The following DGKA variants were observed in gnomAD, a reference collection of about 807,000 sequenced individuals.
DGKA encodes diacylglycerol kinase alpha.
A neutral mutation model predicts 105.0 loss-of-function variants in DGKA; 35 were observed. The ratio of observed to expected loss-of-function variants is 0.33; its 90% CI spans 0.25 to 0.44. The LOEUF (loss-of-function observed/expected upper bound fraction) is 0.44, where lower values mean the gene tolerates loss of function less well. Among genes scored for constraint, DGKA ranks in the 20% least tolerant of loss-of-function variants. The probability of loss-of-function intolerance (pLI) is 1.00; values close to 1 mark genes in which losing one functional copy is unlikely to be tolerated. For synonymous variants in DGKA, 296 were observed against 332.0 expected, an observed-to-expected ratio of 0.89 and a Z score of 1.18; for missense variants, 665 against 915.0, an observed-to-expected ratio of 0.73 and a Z score of 3.53.
chr12:55,952,703 C>T lies in DGKA; in HGVS notation c.1744-31C>T, dbSNP rs1333227847. The T allele has an allele frequency of 9.9e-6, 16 of 1,612,502 alleles. No individual in the cohort carries two copies. Among genetic ancestry groups the T allele is most frequent in the Non-Finnish European group, 1.4e-5 (16 of 1,179,014 alleles). ...GCCATGAGGTGAGGATCTGTACCCT[C>T]CCTAACTGGGACTGTGCCCCCTCCT... is the stretch of plus-strand genomic sequence containing the variant. On this transcript the variant is annotated intron_variant, in intron 20 of 23. Transcript: ENST00000331886. This position sits in a 1 kb window ranked among gnomAD's most constrained non-coding sequence, Gnocchi z 5.1.
At chr12:55,945,978 A>G (rs900675050) in intron 17 of DGKA, among the ~76,000 whole-genome samples, 1 of 151,974 alleles carries the variant, frequency 6.6e-6, no homozygotes, top group Non-Finnish European at 1.5e-5. Flanking sequence ...TAGTAGAGAC[A>G]GGTTTCACCG....
Position 55,952,002 on chromosome 12 carries a change from T to A in DGKA, c.1588-33T>A. On this transcript the variant is annotated intron_variant, in intron 18 of 23. Transcript: ENST00000331886. The surrounding 1 kb of genome is among the most constrained non-coding windows in gnomAD (Gnocchi z 5.1). Reference sequence around the variant, plus strand: ...GGAGACCGGGAGGGAGAGATTGAGCTCTGTACTGACCTTCATGTCCCGAAC... The same window carrying A: ...GGAGACCGGGAGGGAGAGATTGAGCACTGTACTGACCTTCATGTCCCGAAC... 1 of 1,612,454 alleles carries A rather than the reference T, an allele frequency of 6.2e-7. No homozygotes were observed. The highest frequency in any genetic ancestry group is 1.7e-5 in the Admixed American group (1 of 59,970).
Position 55,952,212 on chromosome 12 carries a change from A to G in DGKA, c.1652+113A>G. 4.6e-6 allele frequency: 7 copies of G among 1,516,392 alleles called. No homozygotes were observed. The highest frequency in any genetic ancestry group is 6.4e-6 in the Non-Finnish European group (7 of 1,093,096). 93.9% of individuals were successfully genotyped at this position (1,516,392 alleles called of 1,614,324 possible). A position where few individuals can be genotyped will look rare whatever the true frequency, so the allele number is the denominator to read the frequency against. On this transcript the variant is annotated intron_variant, in intron 19 of 23. Transcript: ENST00000331886. This position sits in a 1 kb window ranked among gnomAD's most constrained non-coding sequence, Gnocchi z 5.1. ...GTGGCACCTCTAGGAGGTCCCCCCA[A>G]CCAAAGCCACCCTTGTTCCCCATGG...
intron 17 of DGKA, chr12:55,942,545 G>C: frequency 2.5e-6 from 1 of 405,226 alleles, no homozygotes. Flanking sequence ...CAAGGAATAT[G>C]GGGGTGGGGA....
At chr12:55,949,276 C>A (rs1244584853) in intron 17 of DGKA, among the ~76,000 whole-genome samples, 1 of 152,022 alleles carries the variant, frequency 6.6e-6, no homozygotes, top group Non-Finnish European at 1.5e-5. Context: ...CAGCTCCCTG[C>A]AACCTCTGCC....
upstream of DGKA, chr12:55,928,280 C>T (rs78373687): frequency 6.5e-6 from 1 of 153,682 alleles, no homozygotes; most frequent in African/African-American, 2.4e-5. Flanking sequence ...TATATCCCCA[C>T]TTTGGCTTAG....
intron 17 of DGKA, among the ~76,000 whole-genome samples, chr12:55,948,618 CTCAGGAGGCTGAG>C (rs1887527820): frequency 6.6e-6 from 1 of 151,556 alleles, no homozygotes; most frequent in South Asian, 2.1e-4. Flanking sequence ...GTTCCAGATA[CTCAGGAGGCTGAG>C]GTAGGAGGAT....
At chr12:55,930,843 A>G (rs1883528419), upstream of DGKA, 1 of 152,134 alleles carries the variant, frequency 6.6e-6, no homozygotes, top group African/African-American at 2.4e-5. Context: ...AGTCTGTTCC[A>G]ACAAGCCTGT....
At position 55,940,019 on chromosome 12, in the gene DGKA, A is replaced by G; in HGVS notation, c.710-63A>G. ...ACATATCTGATCCTGCCTCACCCTCAGGTAAGAAGGAAATAGGGGGAGAGG... is the reference window on the plus strand; with the variant it reads ...ACATATCTGATCCTGCCTCACCCTCGGGTAAGAAGGAAATAGGGGGAGAGG... On this transcript the variant is annotated intron_variant, in intron 9 of 23. Transcript: ENST00000331886. The surrounding 1 kb of genome is among the most constrained non-coding windows in gnomAD (Gnocchi z 4.3). 1 of 1,416,412 alleles carries G rather than the reference A, an allele frequency of 7.1e-7. No individual in the cohort carries two copies. Among genetic ancestry groups the G allele is most frequent in the Non-Finnish European group, 1.0e-6 (1 of 1,001,792 alleles). The allele number at this position is 1,416,412 out of a possible 1,614,324, so 87.7% of individuals were successfully genotyped here. A position where few individuals can be genotyped will look rare whatever the true frequency, so the allele number is the denominator to read the frequency against.
intron 17 of DGKA, among the ~76,000 whole-genome samples, chr12:55,951,001 C>T (rs1239399641): frequency 6.6e-6 from 1 of 152,098 alleles, no homozygotes; most frequent in Non-Finnish European, 1.5e-5. Flanking sequence ...CCTGTAATCC[C>T]AGCACTTTGG....
chr12:55,937,588 A>C, intron 4 of DGKA, 45 bp downstream of exon 4: 1 of 1,597,184 alleles, frequency 6.3e-7, no homozygotes. Flanking sequence ...TGGCAGAAAA[A>C]TCAAACTAGT....
chr12:55,936,350 A>T (rs1884693773), intron 1 of DGKA, 73 bp from the exon 2 acceptor site: 1 of 1,421,446 alleles, frequency 7.0e-7, no homozygotes, highest in African/African-American at 1.4e-5. Flanking sequence ...GTAGAGACAG[A>T]ATGGAACAGA....
rs907852813 is a variant in DGKA at position 55,932,737 on chromosome 12, ACAC to A, written c.-82+1394_-82+1396del. On this transcript the variant is annotated intron_variant, in intron 1 of 23. Coordinates refer to ENST00000331886, the MANE Select transcript of DGKA (RefSeq NM_001345.5). This position sits in a 1 kb window ranked among gnomAD's most constrained non-coding sequence, Gnocchi z 4.3. ...CACACACACACACACACACACACACACACAACCCCCTCAGCCAGGTGTAGCACT... is the reference window on the plus strand; with the variant it reads ...CACACACACACACACACACACACACAAACCCCCTCAGCCAGGTGTAGCACT... 2.3e-5 allele frequency: 14 copies of A among 599,586 alleles called. No homozygotes were observed. Among genetic ancestry groups the A allele is most frequent in the African/African-American group, 3.9e-5 (2 of 50,778 alleles). 37.1% of individuals were successfully genotyped at this position (599,586 alleles called of 1,614,324 possible). A position where few individuals can be genotyped will look rare whatever the true frequency, so the allele number is the denominator to read the frequency against.
At chr12:55,944,519 G>A (rs1056624886) in intron 17 of DGKA, among the ~76,000 whole-genome samples, 2 of 152,210 alleles carry the variant, frequency 1.3e-5, no homozygotes, top group African/African-American at 4.8e-5. Context: ...AAGGTTCGAA[G>A]AGGGGGGATT....
intron 17 of DGKA, among the ~76,000 whole-genome samples, chr12:55,944,998 C>T (rs1258280024): frequency 6.6e-6 from 1 of 152,134 alleles, no homozygotes; most frequent in Non-Finnish European, 1.5e-5. Flanking sequence ...CGAGATTTCA[C>T]CATGCTGGCC....
intron 1 of DGKA, chr12:55,936,212 C>T: frequency 1.8e-6 from 1 of 558,646 alleles, no homozygotes; most frequent in Non-Finnish European, 2.7e-6. Context: ...AGAGATGAGT[C>T]AGAGAAACAG....
chr12:55,928,373 TC>T (rs1224288055), upstream of DGKA: 3 of 152,000 alleles, frequency 2.0e-5, no homozygotes, highest in African/African-American at 7.3e-5. Flanking sequence ...AGGCAGCATG[TC>T]CCATTTAAAA....
rs758870445 is a variant in DGKA, at chr12:55,940,816, T to G, written c.1018-81T>G. The G allele has an allele frequency of 1.4e-5, 22 of 1,596,394 alleles. No individual in the cohort carries two copies. Among genetic ancestry groups the G allele is most frequent in the Middle Eastern group, 3.3e-4 (2 of 6,040 alleles). On this transcript the variant is annotated intron_variant, in intron 12 of 23. Coordinates refer to ENST00000331886, the MANE Select transcript of DGKA (RefSeq NM_001345.5). The surrounding 1 kb of genome is among the most constrained non-coding windows in gnomAD (Gnocchi z 4.3). The stretch of plus-strand genomic sequence containing the variant: ...CATTTAGAATAGAGAGCTCATACTT[T>G]TAGGATTCAAGTCAGACCCCTCTAT...
At position 55,939,536 on chromosome 12, in the gene DGKA, A is replaced by G. The variant is rs112111086; in HGVS notation, c.709+7A>G. ...CAGGGACTGAGCTGTAACCGTGAGT[A>G]ATGGGAGCTGGGAGGTAGGGGAAGA... On this transcript the variant is annotated splice_region_variant and intron_variant, in intron 9 of 23. Transcript: ENST00000331886. The G allele has an allele frequency of 1.7e-3, 2,818 of 1,613,838 alleles. 51 individuals are homozygous for G. In the African/African-American group the frequency reaches 0.034, roughly 19 times the overall value.
Sources: gnomAD v4.1 joint callset for allele counts (sites outside exome capture counted in the v4.1 genomes callset) on GRCh38, gnomAD v4.1.1 for gene constraint, Gnocchi (gnomAD v3.1) non-coding constraint, MANE v1.5 for transcripts, NCBI Gene and HGNC (gene_info 2026-07-23, HGNC 2026-07-21) for gene names.